TRAPPC10: variants seen among roughly 807,000 people sequenced by gnomAD.
The protein encoded by TRAPPC10 is trafficking protein particle complex subunit 10.
A neutral mutation model predicts 125.5 loss-of-function variants in TRAPPC10; 23 were observed. That is an observed-to-expected ratio of 0.18 (90% confidence interval 0.13 to 0.26). The LOEUF is 0.26. Among genes scored for constraint, TRAPPC10 ranks in the 10% least tolerant of loss-of-function variants. The pLI is 1.00. For synonymous variants in TRAPPC10, 509 were observed against 518.0 expected (o/e 0.98, Z 0.24); for missense variants, 1,123 against 1,308.4 (o/e 0.86, Z 2.19).
Position 44,012,381 on chromosome 21 carries a change from C to T in TRAPPC10, c.-113C>T. 1 of 535,126 alleles carries T rather than the reference C, an allele frequency of 1.9e-6. No individual in the cohort carries two copies. Among genetic ancestry groups the T allele is most frequent in the South Asian group, 7.8e-5 (1 of 12,770 alleles). The allele number at this position is 535,126 out of a possible 1,614,324, so 33.1% of individuals were successfully genotyped here. A position where few individuals can be genotyped will look rare whatever the true frequency, so the allele number is the denominator to read the frequency against. On this transcript the variant is annotated 5_prime_UTR_variant, in exon 1 of 23. Coordinates refer to ENST00000291574, the MANE Select transcript of TRAPPC10 (RefSeq NM_003274.5). Reference sequence around the variant, plus strand: ...TGCGGCGCAACCGGCTCCGGAGCTGCCTGGCGCGGCCGGGCGGGCGGCGCC... The same window carrying T: ...TGCGGCGCAACCGGCTCCGGAGCTGTCTGGCGCGGCCGGGCGGGCGGCGCC...
intron 7 of TRAPPC10, among the ~76,000 whole-genome samples, chr21:44,067,965 C>CA (rs550946817): frequency 4.2e-4 from 64 of 152,076 alleles, no homozygotes; most frequent in African/African-American, 1.5e-3. Context: ...ACTAAAAATA[C>CA]AAAAATTAGC....
Position 44,059,150 on chromosome 21 carries a change from C to A in TRAPPC10, c.726C>A (p.Ala242=). 6.2e-7 allele frequency: 1 copy of A among 1,611,070 alleles called. No homozygotes were observed. Among genetic ancestry groups the A allele is most frequent in the Non-Finnish European group, 8.5e-7 (1 of 1,178,812 alleles). The change falls in exon 6 of 23, where the codon GCC becomes GCA. Residue 242 remains alanine, a synonymous_variant. Transcript: ENST00000291574. The surrounding 1 kb of genome is among the most constrained non-coding windows in gnomAD (Gnocchi z 4.4). ...AGATGCTGCAGCAGTTCGAGGACGC[C>A]CTGGTGCAGTACGACGAACTGGACG... ...VFEMLQQFED[A]LVQYDELDAL...
intron 3 of TRAPPC10, 91 bp from the exon 4 acceptor site, chr21:44,052,189 C>T (rs762523433): frequency 2.1e-5 from 23 of 1,098,938 alleles, no homozygotes; most frequent in Non-Finnish European, 2.7e-5. Flanking sequence ...TAAAACATTG[C>T]GGCCTTTGCA....
At chr21:44,040,770 CTTTT>C (rs57750878) in intron 3 of TRAPPC10, among the ~76,000 whole-genome samples, 1 of 135,324 alleles carries the variant, frequency 7.4e-6, no homozygotes, top group Non-Finnish European at 1.6e-5. Context: ...CCACGCCTGC[CTTTT>C]TTTTTTTTTT....
chr21:44,059,769 C>T lies in TRAPPC10; in HGVS notation c.790+555C>T, dbSNP rs1459940692. On this transcript the variant is annotated intron_variant, in intron 6 of 22. Coordinates refer to ENST00000291574, the MANE Select transcript of TRAPPC10 (RefSeq NM_003274.5). This position sits in a 1 kb window ranked among gnomAD's most constrained non-coding sequence, Gnocchi z 4.4. ...ACTTATTTTGATGAAAGTGATACCA[C>T]GTTATATAGCTGTTTCTCTGTCGCT... The T allele has an allele frequency of 1.4e-5, 6 of 426,134 alleles. No individual in the cohort carries two copies. Among genetic ancestry groups the T allele is most frequent in the East Asian group, 3.5e-5 (1 of 28,782 alleles). The allele number at this position is 426,134 out of a possible 1,614,324, so 26.4% of individuals were successfully genotyped here.
At chr21:44,094,573 C>A (rs1445356438) in intron 20 of TRAPPC10, among the ~76,000 whole-genome samples, 1 of 152,190 alleles carries the variant, frequency 6.6e-6, no homozygotes, top group African/African-American at 2.4e-5. Flanking sequence ...GTCATTTCAT[C>A]TTCAGGGGCA....
chr21:44,015,865 C>G (rs915132378), intron 1 of TRAPPC10, among the ~76,000 whole-genome samples: 2 of 152,170 alleles, frequency 1.3e-5, no homozygotes, highest in Non-Finnish European at 2.9e-5. Flanking sequence ...CTGCCCGCCT[C>G]GGCCTCCCAA....
intron 15 of TRAPPC10, 41 bp downstream of exon 15, chr21:44,084,304 G>A (rs918942438): frequency 1.9e-6 from 3 of 1,600,956 alleles, no homozygotes; most frequent in Non-Finnish European, 2.6e-6. Flanking sequence ...GTGCTGCTGG[G>A]GCAGTTCTGA....
At chr21:44,013,952 C>G (rs2031498100) in intron 1 of TRAPPC10, among the ~76,000 whole-genome samples, 1 of 152,194 alleles carries the variant, frequency 6.6e-6, no homozygotes, top group Admixed American at 6.5e-5. Context: ...AGGGGCTTTC[C>G]CAGTGCTCAG....
intron 7 of TRAPPC10, among the ~76,000 whole-genome samples, chr21:44,073,395 A>G (rs1196155935): frequency 6.6e-6 from 1 of 152,254 alleles, no homozygotes; most frequent in Non-Finnish European, 1.5e-5. Flanking sequence ...CCAGAGAAAA[A>G]GTCAGCATTG....
chr21:44,068,658 T>C lies in TRAPPC10; in HGVS notation c.1038+4873T>C, dbSNP rs1256348191. ...CTCTGTTGCCCAGGCTGGAGTACAG[T>C]GGTGTGATCTTGGCTCATTGTAGCC... On this transcript the variant is annotated intron_variant, in intron 7 of 22. Coordinates refer to ENST00000291574, the MANE Select transcript of TRAPPC10 (RefSeq NM_003274.5). Among the ~76,000 whole-genome samples the C allele has an allele frequency of 2.6e-5, 4 of 152,078 alleles. No homozygotes were observed. The East Asian group carries it at 7.7e-4, about 29-fold the overall frequency.
At position 44,091,926 on chromosome 21, in the gene TRAPPC10, A is replaced by G. The variant is rs2038608135; in HGVS notation, c.2874A>G (p.Lys958=). 6.8e-6 allele frequency: 11 copies of G among 1,613,548 alleles called. No homozygotes were observed. Among genetic ancestry groups the G allele is most frequent in the Non-Finnish European group, 9.3e-6 (11 of 1,179,874 alleles). Residue 958 remains lysine (K), a synonymous_variant, in exon 19 of 23, where the codon AAA becomes AAG. Transcript: ENST00000291574. ...ACTTTTTGTTTTTCCACTTTAGGAA[A>G]TATGTTCAAGTTTGTGTCCAGAATT... ...THSLLSSGTR[K]YVQVCVQNLS... is the part of the protein sequence containing the mutation.
intron 3 of TRAPPC10, chr21:44,046,658 G>A: frequency 4.1e-6 from 1 of 241,742 alleles, no homozygotes; most frequent in Non-Finnish European, 8.2e-6. Flanking sequence ...ATTATAGGCA[G>A]CCACCACGCC....
intron 1 of TRAPPC10, among the ~76,000 whole-genome samples, chr21:44,029,232 C>A (rs1018982575): frequency 3.3e-5 from 5 of 152,124 alleles, no homozygotes; most frequent in Non-Finnish European, 5.9e-5. Context: ...GTAGCTGGGA[C>A]TACAGGCGCC....
intron 1 of TRAPPC10, among the ~76,000 whole-genome samples, chr21:44,027,288 T>C (rs977435054): frequency 2.6e-5 from 4 of 152,244 alleles, no homozygotes; most frequent in African/African-American, 9.6e-5. Flanking sequence ...TCTGTTTTGC[T>C]TAGCCACTCT....
intron 7 of TRAPPC10, among the ~76,000 whole-genome samples, chr21:44,071,906 C>G (rs2036896211): frequency 6.6e-6 from 1 of 152,182 alleles, no homozygotes; most frequent in South Asian, 2.1e-4. Flanking sequence ...TCAGTGAAAG[C>G]CTGCCCTTGT....
At chr21:44,041,723 T>TTTA (rs1277220284) in intron 3 of TRAPPC10, among the ~76,000 whole-genome samples, 2 of 151,996 alleles carry the variant, frequency 1.3e-5, no homozygotes, top group African/African-American at 4.8e-5. Flanking sequence ...TCATTATTTA[T>TTTA]TTATTATTAT....
At chr21:44,078,440 T>TA (rs34659269) in intron 11 of TRAPPC10, among the ~76,000 whole-genome samples, 1,689 of 126,042 alleles carry the variant, frequency 0.013, 16 homozygotes, top group African/African-American at 0.027. Context: ...TTTCATTTTC[T>TA]AAAAAAAAAA....
intron 14 of TRAPPC10, 75 bp from the exon 15 acceptor site, chr21:44,084,047 T>C (rs2037946405): frequency 1.9e-6 from 3 of 1,573,968 alleles, no homozygotes; most frequent in Non-Finnish European, 2.6e-6. Flanking sequence ...GAGAGACCGC[T>C]GCACCGCGCT....
Sources: allele counts gnomAD v4.1 joint callset (sites outside exome capture counted in the v4.1 genomes callset), GRCh38; gene constraint gnomAD v4.1.1; non-coding constraint Gnocchi (gnomAD v3.1); transcripts MANE v1.5; gene names NCBI Gene and HGNC (gene_info 2026-07-23, HGNC 2026-07-21).